The following RSPH14 variants were observed in gnomAD, a reference collection of about 807,000 sequenced individuals.
The protein encoded by RSPH14 is rhabdoid tumor deletion region gene 1.
RSPH14 carries 20 observed loss-of-function variants against 26.7 expected under a neutral mutation model. That is an observed-to-expected ratio of 0.75 (90% CI 0.53 to 1.09). The LOEUF (loss-of-function observed/expected upper bound fraction) is 1.09. Ranked by LOEUF, RSPH14 falls within the 50% of genes least tolerant of loss-of-function variation. The probability of loss-of-function intolerance (pLI) is 0.00; values close to 1 mark genes in which losing one functional copy is unlikely to be tolerated. For missense variants in RSPH14, 449 were observed against 457.2 expected (o/e 0.98, Z 0.16); for synonymous variants, 177 against 189.3 (o/e 0.93, Z 0.53).
At chr22:23,162,766 G>C in the RSPH14 span, 1 of 456,288 alleles carries the variant, frequency 2.2e-6, no homozygotes, top group South Asian at 1.5e-5. Context: ...CTTCTGATCA[G>C]TACTGCTCTC....
the RSPH14 span, chr22:23,153,146 G>C: frequency 1.2e-6 from 2 of 1,606,698 alleles, no homozygotes; most frequent in Non-Finnish European, 1.7e-6. Flanking sequence ...TAAGTTGCTG[G>C]TTCCCCCATG....
chr22:23,087,558 T>G (rs1282756554), intron 4 of RSPH14, among the ~76,000 whole-genome samples: 3 of 152,198 alleles, frequency 2.0e-5, no homozygotes, highest in Non-Finnish European at 4.4e-5. Context: ...AAAGAGTAAT[T>G]CATGAAGAGC....
the RSPH14 span, chr22:23,162,741 C>T: frequency 4.4e-6 from 2 of 456,156 alleles, no homozygotes; most frequent in African/African-American, 4.0e-5. Flanking sequence ...AGATGGCGAG[C>T]ACCTTGCAGG....
rs1211323444 is a variant in RSPH14 at position 23,064,099 on chromosome 22, G to A, written c.456C>T (p.Ser152=). Residue 152 remains serine, a synonymous_variant, in exon 5 of 7, where the codon TCC becomes TCT. Coordinates refer to ENST00000216036, the MANE Select transcript of RSPH14 (RefSeq NM_014433.3). ...AQEIISKGLI[S]SLVWKLQVEV... is the part of the protein sequence containing the mutation. ...CCACCTGCAGCTTCCATACCAGTGA[G>A]GAAATCAGACCTTTGCTGATGATCT... 1.2e-6 allele frequency: 2 copies of A among 1,614,094 alleles called. No homozygotes were observed. The highest frequency in any genetic ancestry group is 1.7e-5 in the Admixed American group (1 of 60,004).
chr22:23,105,296 C>T (rs2069432866), intron 4 of RSPH14, among the ~76,000 whole-genome samples: 1 of 152,206 alleles, frequency 6.6e-6, no homozygotes, highest in Non-Finnish European at 1.5e-5. Flanking sequence ...AGGTCCTGCC[C>T]CACAGGGCCA....
upstream of RSPH14, among the ~76,000 whole-genome samples, chr22:23,143,932 A>G (rs1487866646): frequency 6.6e-6 from 1 of 152,062 alleles, no homozygotes; most frequent in African/African-American, 2.4e-5. Flanking sequence ...CTCTACTAAA[A>G]AAATTTAAAA....
chr22:23,081,831 A>G (rs2068686355), intron 4 of RSPH14, among the ~76,000 whole-genome samples: 1 of 148,876 alleles, frequency 6.7e-6, no homozygotes, highest in Non-Finnish European at 1.5e-5. Flanking sequence ...CAAAAAAAAA[A>G]AAAAAAAAAA....
the RSPH14 span, chr22:23,161,013 G>T: frequency 6.3e-7 from 1 of 1,588,884 alleles, no homozygotes; most frequent in South Asian, 1.1e-5. Context: ...GTATAGGTGT[G>T]ACTGGGTTGG....
intron 4 of RSPH14, among the ~76,000 whole-genome samples, chr22:23,130,088 A>AAAGG (rs1491255909): frequency 9.8e-4 from 18 of 18,308 alleles, no homozygotes; most frequent in East Asian, 2.4e-3. Context: ...AGAAAGGAAG[A>AAAGG]AAGAAAGAAA....
At chr22:23,126,782 C>G (rs1237886669) in intron 4 of RSPH14, among the ~76,000 whole-genome samples, 3 of 152,202 alleles carry the variant, frequency 2.0e-5, no homozygotes, top group African/African-American at 7.2e-5. Flanking sequence ...GTGACTAATC[C>G]CGCCTTGTCC....
At chr22:23,105,396 C>T (rs2069436710) in intron 4 of RSPH14, among the ~76,000 whole-genome samples, 1 of 152,212 alleles carries the variant, frequency 6.6e-6, no homozygotes, top group Non-Finnish European at 1.5e-5. Context: ...AGAGGTTCCC[C>T]ACTGGGATCT....
the RSPH14 span, among the ~76,000 whole-genome samples, chr22:23,167,708 T>C: frequency 2.2e-4 from 31 of 143,250 alleles, 2 homozygotes; most frequent in East Asian, 5.6e-3. Context: ...TTTTAATTAA[T>C]TTATTTTTTT....
the RSPH14 span, among the ~76,000 whole-genome samples, chr22:23,166,757 C>T: frequency 6.6e-5 from 10 of 152,210 alleles, no homozygotes; most frequent in Middle Eastern, 3.4e-3. Flanking sequence ...CCCAAGAGGG[C>T]GAGGCCAGAG....
At position 23,059,602 on chromosome 22, in the gene RSPH14, G is replaced by T; in HGVS notation, c.907C>A (p.Pro303Thr). Residue 303 changes from proline (P) to threonine (T), a missense_variant, in exon 7 of 7, where the codon CCC becomes ACC. Transcript: ENST00000216036. ...TKALTMLAEA[P>T]EGRKALQTHV... ...GTCTGCAGGGCCTTGCGGCCCTCGG[G>T]GGCCTCTGCCAGCATGGTAAGGGCC... The T allele has an allele frequency of 1.2e-6, 2 of 1,613,722 alleles. No homozygotes were observed. Among genetic ancestry groups the T allele is most frequent in the Non-Finnish European group, 1.7e-6 (2 of 1,179,824 alleles).
the RSPH14 span, among the ~76,000 whole-genome samples, chr22:23,157,083 C>A: frequency 6.6e-6 from 1 of 152,178 alleles, no homozygotes; most frequent in African/African-American, 2.4e-5. Flanking sequence ...CTCAGGACCC[C>A]AACAGGACCG....
intron 4 of RSPH14, among the ~76,000 whole-genome samples, chr22:23,083,790 C>G (rs895353105): frequency 1.3e-5 from 2 of 152,214 alleles, no homozygotes; most frequent in Non-Finnish European, 2.9e-5. Context: ...GTCCCACTGC[C>G]GAACCAGCGG....
intron 4 of RSPH14, among the ~76,000 whole-genome samples, chr22:23,100,670 C>G (rs2069274788): frequency 6.6e-6 from 1 of 152,216 alleles, no homozygotes; most frequent in South Asian, 2.1e-4. Flanking sequence ...CCCGGCACAG[C>G]CTGTGCTCTG....
the RSPH14 span, among the ~76,000 whole-genome samples, chr22:23,174,371 T>C: frequency 6.6e-6 from 1 of 151,864 alleles, no homozygotes; most frequent in Non-Finnish European, 1.5e-5. Flanking sequence ...AATAATGCAC[T>C]CCAGCATGGG....
chr22:23,064,386 C>T (rs1444714381), intron 4 of RSPH14, among the ~76,000 whole-genome samples: 2 of 152,210 alleles, frequency 1.3e-5, no homozygotes, highest in Admixed American at 6.5e-5. Flanking sequence ...AGTCTTTTGT[C>T]GCCTGTGTCT....
Sources: allele counts gnomAD v4.1 joint callset (sites outside exome capture counted in the v4.1 genomes callset), GRCh38; gene constraint gnomAD v4.1.1; transcripts MANE v1.5; gene names NCBI Gene and HGNC (gene_info 2026-07-23, HGNC 2026-07-21).